ABTB2: variants seen among roughly 807,000 people sequenced by gnomAD.
The protein encoded by ABTB2 is ankyrin repeat and BTB/POZ domain-containing protein 2.
A neutral mutation model predicts 104.1 loss-of-function variants in ABTB2; 56 were observed. The observed-to-expected ratio is 0.54, with a 90% CI of 0.43 to 0.67. The LOEUF (loss-of-function observed/expected upper bound fraction) is 0.67, where lower values mean the gene tolerates loss of function less well. Among genes scored for constraint, ABTB2 ranks in the 30% least tolerant of loss-of-function variants. The pLI, the probability that ABTB2 is intolerant of heterozygous loss-of-function variation, is 0.00. For missense variants in ABTB2, 1,279 were observed against 1,407.7 expected, an observed-to-expected ratio of 0.91 and a Z score of 1.46; for synonymous variants, 606 against 608.2, an observed-to-expected ratio of 1.00 and a Z score of 0.05.
intron 1 of ABTB2, among the ~76,000 whole-genome samples, chr11:34,247,083 G>T (rs1240061283): frequency 2.0e-5 from 3 of 152,078 alleles, no homozygotes; most frequent in Non-Finnish European, 4.4e-5. Flanking sequence ...CCAACCTCAG[G>T]TGATCCGCCC....
At chr11:34,155,778 G>T (rs997752079) in intron 14 of ABTB2, among the ~76,000 whole-genome samples, 1 of 152,200 alleles carries the variant, frequency 6.6e-6, no homozygotes, top group African/African-American at 2.4e-5. Context: ...TAGAGGTCTG[G>T]GAAGCTCCCA....
intron 1 of ABTB2, among the ~76,000 whole-genome samples, chr11:34,338,137 T>C (rs958161397): frequency 6.6e-6 from 1 of 152,020 alleles, no homozygotes; most frequent in Non-Finnish European, 1.5e-5. Context: ...TTCCAGCACT[T>C]TGGGAGGCCA....
intron 1 of ABTB2, among the ~76,000 whole-genome samples, chr11:34,332,772 T>C (rs941725296): frequency 6.6e-5 from 10 of 151,892 alleles, no homozygotes; most frequent in African/African-American, 2.4e-4. Context: ...TCTGCTTTCC[T>C]GCCCATTTCC....
chr11:34,297,682 C>T lies in ABTB2; in HGVS notation c.883+59019G>A, dbSNP rs574447327. On this transcript the variant is annotated intron_variant, in intron 1 of 16. Coordinates refer to ENST00000435224, the MANE Select transcript of ABTB2 (RefSeq NM_145804.3). ...TCAGGAGGCTGAGGCAGAAGAATTGCTTGAACCTGGGAGGTGGAGGTTGCA... is the reference window on the plus strand; with the variant it reads ...TCAGGAGGCTGAGGCAGAAGAATTGTTTGAACCTGGGAGGTGGAGGTTGCA... Among the ~76,000 whole-genome samples, 18 of 147,156 alleles carry T rather than the reference C, an allele frequency of 1.2e-4. No individual in the cohort carries two copies. In the South Asian group the frequency reaches 3.9e-3, roughly 32 times the overall value.
At chr11:34,191,737 C>T (rs1304990660) in intron 3 of ABTB2, among the ~76,000 whole-genome samples, 1 of 152,198 alleles carries the variant, frequency 6.6e-6, no homozygotes, top group African/African-American at 2.4e-5. Context: ...CAAATAGCTG[C>T]ACCAATGGGG....
intron 1 of ABTB2, among the ~76,000 whole-genome samples, chr11:34,250,281 C>T (rs1201104972): frequency 1.3e-5 from 2 of 152,128 alleles, no homozygotes; most frequent in Non-Finnish European, 2.9e-5. Flanking sequence ...ATGAAGACTC[C>T]CCAGTTCTTC....
intron 1 of ABTB2, among the ~76,000 whole-genome samples, chr11:34,279,162 G>A (rs985324981): frequency 1.3e-5 from 2 of 152,200 alleles, no homozygotes; most frequent in Admixed American, 6.5e-5. Context: ...CAGTTTGTGA[G>A]TGAGATAGAA....
At position 34,197,408 on chromosome 11, in the gene ABTB2, G is replaced by A; in HGVS notation, c.1161C>T (p.Leu387=). The A allele has an allele frequency of 6.2e-7, 1 of 1,611,420 alleles. No homozygotes were observed. The highest frequency in any genetic ancestry group is 8.5e-7 in the Non-Finnish European group (1 of 1,177,998). ...TCTGTGGACACCGCAGAAAGTAGTA[G>A]AGCGTGTGGAGGGCGTCGGGGGACC... ...ITWSPDALHT[L]YYFLRCPQME... Residue 387 remains leucine, a synonymous_variant, in exon 3 of 17, where the codon CTC becomes CTT. Coordinates refer to ENST00000435224, the MANE Select transcript of ABTB2 (RefSeq NM_145804.3).
rs1397167931 is a variant in ABTB2 at position 34,357,800 on chromosome 11, G to T, written c.-217C>A. 4 of 524,634 alleles carry T rather than the reference G, an allele frequency of 7.6e-6. No homozygotes were observed. The African/African-American group carries it at 7.9e-5, about 10-fold the overall frequency. 32.5% of individuals were successfully genotyped at this position (524,634 alleles called of 1,614,324 possible). A position where few individuals can be genotyped will look rare whatever the true frequency, so the allele number is the denominator to read the frequency against. On this transcript the variant is annotated 5_prime_UTR_variant, in exon 1 of 17. Coordinates refer to ENST00000435224, the MANE Select transcript of ABTB2 (RefSeq NM_145804.3). ...CCCCACGCTCCCGGCGTCCCGACTCGCAGCTGCCACTGGAAAGAACCCCGT... is the reference window on the plus strand; with the variant it reads ...CCCCACGCTCCCGGCGTCCCGACTCTCAGCTGCCACTGGAAAGAACCCCGT...
chr11:34,296,303 C>T (rs540802881), intron 1 of ABTB2, among the ~76,000 whole-genome samples: 14 of 151,488 alleles, frequency 9.2e-5, no homozygotes, highest in African/African-American at 3.2e-4. Context: ...TGTGATGGGG[C>T]ATAAAATCTA....
intron 1 of ABTB2, among the ~76,000 whole-genome samples, chr11:34,311,035 G>A (rs920918084): frequency 6.6e-6 from 1 of 152,260 alleles, no homozygotes; most frequent in South Asian, 2.1e-4. Context: ...CATGTCAAAG[G>A]GGCTGTATGC....
At chr11:34,171,182 G>A (rs1278821771) in intron 4 of ABTB2, 111 bp from the exon 5 acceptor site, 15 of 1,169,358 alleles carry the variant, frequency 1.3e-5, no homozygotes, top group Non-Finnish European at 1.8e-5. Flanking sequence ...GGATGGGTGG[G>A]AAGCACCAGG....
chr11:34,339,644 A>G (rs1045135730), intron 1 of ABTB2, among the ~76,000 whole-genome samples: 2 of 151,622 alleles, frequency 1.3e-5, no homozygotes, highest in African/African-American at 4.9e-5. Flanking sequence ...GAGTAGAATC[A>G]TCCCTGGAAA....
chr11:34,207,731 G>A lies in ABTB2; in HGVS notation c.884-3041C>T, dbSNP rs1590216792. Among the ~76,000 whole-genome samples the A allele has an allele frequency of 2.6e-5, 4 of 152,208 alleles. No individual in the cohort carries two copies. The South Asian group carries it at 8.3e-4, about 32-fold the overall frequency. On this transcript the variant is annotated intron_variant, in intron 1 of 16. Transcript: ENST00000435224. ...CCTAAGGTCACTGAGGGTCAGAAACGGAACAGGGACTGGAGTTTCAATTTC... is the reference window on the plus strand; with the variant it reads ...CCTAAGGTCACTGAGGGTCAGAAACAGAACAGGGACTGGAGTTTCAATTTC...
intron 3 of ABTB2, among the ~76,000 whole-genome samples, chr11:34,194,478 C>A (rs1249150254): frequency 6.6e-6 from 1 of 152,150 alleles, no homozygotes; most frequent in African/African-American, 2.4e-5. Context: ...ACTCTGGAAC[C>A]CTAGCAAACT....
At chr11:34,325,058 C>T (rs1363994699) in intron 1 of ABTB2, among the ~76,000 whole-genome samples, 1 of 152,152 alleles carries the variant, frequency 6.6e-6, no homozygotes, top group Non-Finnish European at 1.5e-5. Flanking sequence ...CCTTGGCCCC[C>T]TCAAAGTGCT....
chr11:34,274,767 T>C (rs1234899637), intron 1 of ABTB2, among the ~76,000 whole-genome samples: 1 of 152,098 alleles, frequency 6.6e-6, no homozygotes, highest in African/African-American at 2.4e-5. Context: ...TGGGATCCCA[T>C]TAGGCATGCA....
chr11:34,275,799 C>T (rs1854375606), intron 1 of ABTB2, among the ~76,000 whole-genome samples: 1 of 152,140 alleles, frequency 6.6e-6, no homozygotes, highest in African/African-American at 2.4e-5. Context: ...ATGTCAAGAA[C>T]ACCAAAATTT....
chr11:34,196,440 G>A (rs1487619809), intron 3 of ABTB2, among the ~76,000 whole-genome samples: 1 of 152,206 alleles, frequency 6.6e-6, no homozygotes, highest in African/African-American at 2.4e-5. Flanking sequence ...TGTAGTCCCA[G>A]CTACTCGGGA....
Sources: allele counts gnomAD v4.1 joint callset (sites outside exome capture counted in the v4.1 genomes callset), GRCh38; gene constraint gnomAD v4.1.1; transcripts MANE v1.5; gene names NCBI Gene and HGNC (gene_info 2026-07-23, HGNC 2026-07-21).